The following CFAP54 variants were observed in gnomAD, a reference collection of about 807,000 sequenced individuals.
The protein encoded by CFAP54 is cilia- and flagella-associated protein 54.
In CFAP54, 290 loss-of-function variants were observed where a neutral mutation model predicts 370.4. The observed-to-expected ratio is 0.78, with a 90% confidence interval of 0.71 to 0.86. The LOEUF (loss-of-function observed/expected upper bound fraction) is 0.86. CFAP54 is among the 40% of genes least tolerant of loss of function. The pLI is 0.00. For missense variants in CFAP54, 3,399 were observed against 3,528.7 expected (o/e 0.96, Z 0.93); for synonymous variants, 1,206 against 1,236.5 (o/e 0.98, Z 0.52).
At chr12:96,766,225 C>G (rs1432738532) in intron 60 of CFAP54, among the ~76,000 whole-genome samples, 1 of 152,122 alleles carries the variant, frequency 6.6e-6, no homozygotes, top group Non-Finnish European at 1.5e-5. Flanking sequence ...ATAGGTGTCC[C>G]AAATTATTTT....
chr12:96,545,187 A>G (rs1955625124), intron 14 of CFAP54, among the ~76,000 whole-genome samples: 1 of 152,122 alleles, frequency 6.6e-6, no homozygotes, highest in South Asian at 2.1e-4. Context: ...TGCTGAGATT[A>G]CAGGTATGAG....
chr12:96,538,563 T>A, intron 13 of CFAP54, 45 bp downstream of exon 13: 1 of 1,521,972 alleles, frequency 6.6e-7, no homozygotes, highest in African/African-American at 1.4e-5. Flanking sequence ...TTGCTATTGC[T>A]TATTCAAGTT....
intron 26 of CFAP54, among the ~76,000 whole-genome samples, chr12:96,614,208 C>T (rs752248824): frequency 6.6e-6 from 1 of 152,166 alleles, no homozygotes; most frequent in African/African-American, 2.4e-5. Flanking sequence ...GCTGGTTCAA[C>T]ATATGCAAAT....
chr12:96,784,248 C>T (rs894941887), intron 60 of CFAP54, among the ~76,000 whole-genome samples: 4 of 152,050 alleles, frequency 2.6e-5, no homozygotes, highest in South Asian at 2.1e-4. Context: ...AATTTATTCA[C>T]GTTATTATCA....
intron 33 of CFAP54, 132 bp downstream of exon 33, chr12:96,644,540 A>G (rs928055892): frequency 6.7e-5 from 44 of 652,982 alleles, no homozygotes; most frequent in Non-Finnish European, 1.1e-4. Context: ...TACTGGCTCT[A>G]TTAGTCTGTT....
At chr12:96,874,486 T>C (rs1185241526) in intron 67 of CFAP54, among the ~76,000 whole-genome samples, 1 of 151,960 alleles carries the variant, frequency 6.6e-6, no homozygotes, top group Non-Finnish European at 1.5e-5. Context: ...TAAAACCTGA[T>C]TGGTTAATAT....
intron 17 of CFAP54, among the ~76,000 whole-genome samples, chr12:96,559,058 A>G (rs1329610377): frequency 1.3e-5 from 2 of 152,088 alleles, no homozygotes; most frequent in African/African-American, 2.4e-5. Context: ...TCTACTAAAA[A>G]TACAAAAATC....
intron 66 of CFAP54, among the ~76,000 whole-genome samples, chr12:96,838,301 GA>G (rs200634400): frequency 0.01 from 1,510 of 144,050 alleles, 54 homozygotes; most frequent in East Asian, 0.1. Flanking sequence ...AGAGAAGTTA[GA>G]AAAAAAAAAA....
At chr12:96,848,229 A>C (rs1318741182) in intron 66 of CFAP54, among the ~76,000 whole-genome samples, 1 of 152,030 alleles carries the variant, frequency 6.6e-6, no homozygotes, top group Non-Finnish European at 1.5e-5. Flanking sequence ...GGCATGCACC[A>C]CCACACCTGA....
At chr12:96,541,347 A>G (rs1244479706) in intron 14 of CFAP54, among the ~76,000 whole-genome samples, 1 of 143,274 alleles carries the variant, frequency 7.0e-6, no homozygotes, top group African/African-American at 2.6e-5. Context: ...GTGCAGTGGC[A>G]CAATCTCAGC....
At chr12:96,608,642 A>G (rs1409067011) in intron 26 of CFAP54, among the ~76,000 whole-genome samples, 2 of 151,772 alleles carry the variant, frequency 1.3e-5, no homozygotes, top group Admixed American at 6.6e-5. Context: ...TTGTATTTTT[A>G]GTAGAGACTG....
intron 60 of CFAP54, among the ~76,000 whole-genome samples, chr12:96,780,225 G>A (rs1163907230): frequency 6.6e-6 from 1 of 152,026 alleles, no homozygotes; most frequent in Non-Finnish European, 1.5e-5. Flanking sequence ...TGGTTTGTAT[G>A]CTTTTTGTGT....
chr12:96,836,932 A>G (rs986846203), intron 66 of CFAP54, among the ~76,000 whole-genome samples: 1 of 152,118 alleles, frequency 6.6e-6, no homozygotes, highest in Non-Finnish European at 1.5e-5. Context: ...GGCTCAAGCA[A>G]TTCTCCTGCC....
intron 60 of CFAP54, among the ~76,000 whole-genome samples, chr12:96,775,253 C>A (rs1197171756): frequency 6.6e-6 from 1 of 152,102 alleles, no homozygotes; most frequent in Non-Finnish European, 1.5e-5. Context: ...CATGGCGAAA[C>A]CCCGTTTCTA....
chr12:96,599,835 G>A (rs764347740), intron 26 of CFAP54, among the ~76,000 whole-genome samples: 5 of 151,880 alleles, frequency 3.3e-5, no homozygotes, highest in Non-Finnish European at 7.4e-5. Flanking sequence ...CATATCCTTT[G>A]CCCACTTTTT....
chr12:96,800,412 C>T (rs1958808579), intron 63 of CFAP54, among the ~76,000 whole-genome samples: 1 of 152,116 alleles, frequency 6.6e-6, no homozygotes, highest in South Asian at 2.1e-4. Flanking sequence ...TCTCTAGTCA[C>T]AAGAAAAGAT....
chr12:96,737,856 T>G (rs2136636554), intron 50 of CFAP54, among the ~76,000 whole-genome samples: 1 of 152,304 alleles, frequency 6.6e-6, no homozygotes, highest in African/African-American at 2.4e-5. Flanking sequence ...TCTGGGAGCC[T>G]TCTTATAGGA....
In CFAP54 at chr12:96,684,910, A is replaced by G. The variant is rs1387487460; in HGVS notation, c.5805-119A>G. The stretch of plus-strand genomic sequence containing the variant: ...AGAAACCATTAAGAACAGTGAATGT[A>G]TTATAGTTATACGTATGTTAATTGA... On this transcript the variant is annotated intron_variant, in intron 41 of 67. Coordinates refer to ENST00000524981, the MANE Select transcript of CFAP54 (RefSeq NM_001306084.2). 6 of 996,346 alleles carry G rather than the reference A, an allele frequency of 6.0e-6. No homozygotes were observed. In the Admixed American group the frequency reaches 8.9e-5, roughly 15 times the overall value. The allele number at this position is 996,346 out of a possible 1,614,324, so 61.7% of individuals were successfully genotyped here.
intron 38 of CFAP54, among the ~76,000 whole-genome samples, chr12:96,663,381 G>T (rs183212612): frequency 1.3e-5 from 2 of 152,116 alleles, no homozygotes; most frequent in Non-Finnish European, 2.9e-5. Context: ...TATTATCTTA[G>T]GACTCATATC....
Sources: allele counts gnomAD v4.1 joint callset (sites outside exome capture counted in the v4.1 genomes callset), GRCh38; gene constraint gnomAD v4.1.1; transcripts MANE v1.5; gene names NCBI Gene and HGNC (gene_info 2026-07-23, HGNC 2026-07-21).